FAM184B: variants seen among roughly 807,000 people sequenced by gnomAD.
The protein encoded by FAM184B is protein FAM184B.
FAM184B carries 111 observed loss-of-function variants against 135.9 expected under a neutral mutation model. The ratio of observed to expected loss-of-function variants is 0.82; its 90% CI spans 0.70 to 0.96. The LOEUF (loss-of-function observed/expected upper bound fraction) is 0.96. Among genes scored for constraint, FAM184B ranks in the 40% least tolerant of loss-of-function variants. The probability of loss-of-function intolerance (pLI) is 0.00; values close to 1 mark genes in which losing one functional copy is unlikely to be tolerated. For missense variants in FAM184B, 1,375 were observed against 1,323.9 expected, an observed-to-expected ratio of 1.04 and a Z score of -0.60; for synonymous variants, 552 against 524.8, an observed-to-expected ratio of 1.05 and a Z score of -0.71.
chr4:17,716,966 T>TA (rs1717411222), intron 1 of FAM184B, among the ~76,000 whole-genome samples: 1 of 152,090 alleles, frequency 6.6e-6, no homozygotes, highest in African/African-American at 2.4e-5. Flanking sequence ...CATGCCACCA[T>TA]ACCTGGCTAG....
chr4:17,665,810 T>C (rs1218935427), intron 7 of FAM184B, among the ~76,000 whole-genome samples: 1 of 152,222 alleles, frequency 6.6e-6, no homozygotes, highest in East Asian at 1.9e-4. Flanking sequence ...TTCTTGGGTC[T>C]GCACTAACGG....
chr4:17,775,333 G>A (rs527617005), intron 1 of FAM184B, among the ~76,000 whole-genome samples: 4 of 152,094 alleles, frequency 2.6e-5, no homozygotes, highest in South Asian at 2.1e-4. Context: ...CTACCGGTGC[G>A]TGCCACCACA....
chr4:17,635,585 C>A (rs1715100002), intron 15 of FAM184B, among the ~76,000 whole-genome samples: 2 of 151,660 alleles, frequency 1.3e-5, no homozygotes, highest in African/African-American at 2.4e-5. Flanking sequence ...ACTTTTTTCT[C>A]TCCTGCTGTA....
chr4:17,731,301 T>A (rs1717769397), intron 1 of FAM184B, among the ~76,000 whole-genome samples: 1 of 152,100 alleles, frequency 6.6e-6, no homozygotes, highest in African/African-American at 2.4e-5. Flanking sequence ...AACATCATAA[T>A]GACAGGACTA....
At chr4:17,703,683 A>T (rs928967847) in intron 5 of FAM184B, among the ~76,000 whole-genome samples, 20 of 152,176 alleles carry the variant, frequency 1.3e-4, no homozygotes, top group African/African-American at 4.6e-4. Flanking sequence ...CTGTAATCCC[A>T]GCACTTTGGG....
Position 17,705,009 on chromosome 4 carries a change from T to C in FAM184B, c.1368A>G (p.Lys456=). The C allele has an allele frequency of 6.4e-7, 1 of 1,551,568 alleles. No individual in the cohort carries two copies. The highest frequency in any genetic ancestry group is 8.7e-7 in the Non-Finnish European group (1 of 1,146,952). Residue 456 remains lysine, a synonymous_variant, in exon 5 of 18, where the codon AAA becomes AAG. Transcript: ENST00000265018. Reference sequence around the variant, plus strand: ...TGGAAGTAGGTCTCACCCTCTGCAGTTTCTTTCTTTCAGCCTCCACGGACG... The same window carrying C: ...TGGAAGTAGGTCTCACCCTCTGCAGCTTCTTTCTTTCAGCCTCCACGGACG... The part of the protein sequence containing the change: ...VRSSVEAERK[K]LQREVEAQLE...
chr4:17,720,508 T>G (rs1011376996), intron 1 of FAM184B, among the ~76,000 whole-genome samples: 3 of 152,108 alleles, frequency 2.0e-5, no homozygotes, highest in Non-Finnish European at 2.9e-5. Context: ...GGTGAGGATG[T>G]GGAAAAATTG....
At chr4:17,724,274 A>G (rs948888433) in intron 1 of FAM184B, among the ~76,000 whole-genome samples, 2 of 152,128 alleles carry the variant, frequency 1.3e-5, no homozygotes, top group African/African-American at 2.4e-5. Context: ...GTTTTTATGC[A>G]TTCTCTAATT....
At chr4:17,697,704 A>G (rs960496004) in intron 5 of FAM184B, among the ~76,000 whole-genome samples, 1 of 152,242 alleles carries the variant, frequency 6.6e-6, no homozygotes, top group Non-Finnish European at 1.5e-5. Flanking sequence ...CATTGCCAAG[A>G]TGTGTTCACT....
intron 11 of FAM184B, 44 bp downstream of exon 11, chr4:17,652,786 C>A: frequency 6.5e-7 from 1 of 1,527,006 alleles, no homozygotes. Context: ...CATGCAGACC[C>A]TGCAGTTGGC....
intron 3 of FAM184B, 52 bp from the exon 4 acceptor site, chr4:17,705,943 T>C (rs1179872036): frequency 1.9e-6 from 3 of 1,547,028 alleles, no homozygotes; most frequent in Non-Finnish European, 2.6e-6. Context: ...CATGGCCTCT[T>C]GTTCAAGGCT....
chr4:17,732,663 A>G (rs959416042), intron 1 of FAM184B, among the ~76,000 whole-genome samples: 3 of 152,246 alleles, frequency 2.0e-5, no homozygotes, highest in African/African-American at 7.2e-5. Flanking sequence ...GAATAGACCA[A>G]TAACAGTCTC....
At position 17,777,802 on chromosome 4, in the gene FAM184B, A is replaced by G. The variant is rs1718956973; in HGVS notation, c.141+3357T>C. On this transcript the variant is annotated intron_variant, in intron 1 of 17. Coordinates refer to ENST00000265018, the MANE Select transcript of FAM184B (RefSeq NM_015688.2). Reference sequence around the variant, plus strand: ...AGCAATATTGCAAGAGAAAATCAGTAATAATTTTCCAGAATTAAAGAAAGC... The same window carrying G: ...AGCAATATTGCAAGAGAAAATCAGTGATAATTTTCCAGAATTAAAGAAAGC... 2.0e-5 allele frequency among the ~76,000 whole-genome samples: 3 copies of G among 152,240 alleles called. No homozygotes were observed. The South Asian group carries it at 6.2e-4, about 32-fold the overall frequency.
chr4:17,652,249 C>T (rs984763417), intron 11 of FAM184B, among the ~76,000 whole-genome samples: 26 of 151,486 alleles, frequency 1.7e-4, no homozygotes, highest in African/African-American at 2.9e-4. Flanking sequence ...CTCAGCCTCC[C>T]GAATAGCTGG....
chr4:17,703,584 A>T (rs1402245012), intron 5 of FAM184B, among the ~76,000 whole-genome samples: 1 of 152,124 alleles, frequency 6.6e-6, no homozygotes, highest in Non-Finnish European at 1.5e-5. Flanking sequence ...TATATACTAT[A>T]ATACCATATT....
chr4:17,692,292 C>T (rs1020860340), intron 6 of FAM184B, among the ~76,000 whole-genome samples: 3 of 152,078 alleles, frequency 2.0e-5, no homozygotes, highest in African/African-American at 7.2e-5. Flanking sequence ...GCTGTGCAGC[C>T]CCACCTTGGT....
intron 6 of FAM184B, 143 bp from the exon 7 acceptor site, chr4:17,688,674 A>G (rs1716650615): frequency 2.6e-6 from 1 of 384,182 alleles, no homozygotes; most frequent in South Asian, 4.8e-5. Context: ...ACACTTCTAG[A>G]AATGCCTTTT....
At position 17,631,004 on chromosome 4, in the gene FAM184B, T is replaced by C. The variant is rs1714919880; in HGVS notation, c.*1528A>G. On this transcript the variant is annotated 3_prime_UTR_variant, in exon 18 of 18. Transcript: ENST00000265018. ...GGGCCAGCACCAAAGACTGAAAAAA[T>C]ATTTTGCCCCCTAAAAGTTGTTATT... 6.6e-6 allele frequency: 1 copy of C among 152,166 alleles called. No individual in the cohort carries two copies. The highest frequency in any genetic ancestry group is 2.1e-4 in the South Asian group (1 of 4,836). The allele number at this position is 152,166 out of a possible 1,614,324, so 9.4% of individuals were successfully genotyped here.
intron 5 of FAM184B, among the ~76,000 whole-genome samples, chr4:17,703,497 C>A (rs117042990): frequency 7.4e-5 from 11 of 149,162 alleles, no homozygotes; most frequent in Admixed American, 1.3e-4. Context: ...GACCCTGTCT[C>A]AAAAAAAAAC....
Sources: gnomAD v4.1 joint callset for allele counts (sites outside exome capture counted in the v4.1 genomes callset) on GRCh38, gnomAD v4.1.1 for gene constraint, MANE v1.5 for transcripts, NCBI Gene and HGNC (gene_info 2026-07-23, HGNC 2026-07-21) for gene names.